LRRC19: variants seen among roughly 807,000 people sequenced by gnomAD.
LRRC19 encodes leucine-rich repeat-containing protein 19.
A neutral mutation model predicts 33.3 loss-of-function variants in LRRC19; 33 were observed. The observed-to-expected ratio is 0.99, with a 90% confidence interval of 0.75 to 1.33. The LOEUF is 1.33. Ranked by LOEUF, LRRC19 falls within the 40% of genes most tolerant of loss-of-function variation. The probability of loss-of-function intolerance (pLI) is 0.00; values close to 1 mark genes in which losing one functional copy is unlikely to be tolerated. For synonymous variants in LRRC19, 184 were observed against 152.3 expected (o/e 1.21, Z -1.53); for missense variants, 463 against 417.3 (o/e 1.11, Z -0.95).
At position 26,995,349 on chromosome 9, in the gene LRRC19, T is replaced by G. The variant is rs1828087088; in HGVS notation, c.*172A>C. 3.7e-6 allele frequency: 2 copies of G among 537,778 alleles called. No individual in the cohort carries two copies. Among genetic ancestry groups the G allele is most frequent in the Non-Finnish European group, 6.6e-6 (2 of 300,818 alleles). The allele number at this position is 537,778 out of a possible 1,614,324, so 33.3% of individuals were successfully genotyped here. ...TACCGAGGAGTGTCAGTTACTGTATTTGAACCTGCTTGCTCAATATAATGC... is the reference window on the plus strand; with the variant it reads ...TACCGAGGAGTGTCAGTTACTGTATGTGAACCTGCTTGCTCAATATAATGC... On this transcript the variant is annotated 3_prime_UTR_variant, in exon 5 of 5. Transcript: ENST00000380055.
Position 26,999,644 on chromosome 9 carries a change from T to A in LRRC19, c.51A>T (p.Leu17Phe). 1 of 1,609,442 alleles carries A rather than the reference T, an allele frequency of 6.2e-7. No individual in the cohort carries two copies. The highest frequency in any genetic ancestry group is 8.5e-7 in the Non-Finnish European group (1 of 1,177,990). The change falls in exon 2 of 5, where the codon TTA becomes TTT. Residue 17 changes from leucine to phenylalanine, a missense_variant. Transcript: ENST00000380055. ...TILFWPLSMI[L>F]LSDKIQSSKR... ...TAGAAGACTGGATTTTGTCTGATAA[T>A]AATATCATGGAGAGGGGCCAAAAGA...
Position 26,995,463 on chromosome 9 carries a change from C to T in LRRC19, c.*58G>A. Reference sequence around the variant, plus strand: ...TTTGTTATGTCACATAGCAAAATCTCCATATCTAAACTGAGTGAGCTGATA... The same window carrying T: ...TTTGTTATGTCACATAGCAAAATCTTCATATCTAAACTGAGTGAGCTGATA... On this transcript the variant is annotated 3_prime_UTR_variant, in exon 5 of 5. Coordinates refer to ENST00000380055, the MANE Select transcript of LRRC19 (RefSeq NM_022901.3). 1.0e-6 allele frequency: 1 copy of T among 987,790 alleles called. No homozygotes were observed. Among genetic ancestry groups the T allele is most frequent in the Non-Finnish European group, 1.5e-6 (1 of 678,290 alleles). 61.2% of individuals were successfully genotyped at this position (987,790 alleles called of 1,614,324 possible).
intron 3 of LRRC19, among the ~76,000 whole-genome samples, chr9:26,997,225 A>T (rs1022518811): frequency 1.3e-5 from 2 of 151,806 alleles, no homozygotes; most frequent in East Asian, 2.0e-4. Context: ...AAAAAAAAAA[A>T]ATTTCTTAAT....
chr9:26,999,770 C>CTTTTTT (rs1179000269), intron 1 of LRRC19, 67 bp from the exon 2 acceptor site: 49 of 340,158 alleles, frequency 1.4e-4, no homozygotes, highest in African/African-American at 4.8e-4. Context: ...TCTGTTTATT[C>CTTTTTT]TTTTTTTTTT....
At chr9:26,999,768 T>TTC in intron 1 of LRRC19, 65 bp from the exon 2 acceptor site, 1 of 988,400 alleles carries the variant, frequency 1.0e-6, no homozygotes, top group Admixed American at 3.0e-5. Flanking sequence ...AATCTGTTTA[T>TTC]TCTTTTTTTT....
Position 26,998,233 on chromosome 9 carries a change from T to A in LRRC19, c.90A>T (p.Gln30His). The A allele has an allele frequency of 6.9e-7, 1 of 1,451,804 alleles. No individual in the cohort carries two copies. The highest frequency in any genetic ancestry group is 9.2e-7 in the Non-Finnish European group (1 of 1,085,456). The allele number at this position is 1,451,804 out of a possible 1,614,324, so 89.9% of individuals were successfully genotyped here. Reference protein sequence around the residue: ...DKIQSSKREVQCNFTEKNYTL... With the variant: ...DKIQSSKREVHCNFTEKNYTL... ...TATAATTTTTTTCAGTAAAATTACATTGGACTTCCTAGAAAAACAAAAAAA... is the reference window on the plus strand; with the variant it reads ...TATAATTTTTTTCAGTAAAATTACAATGGACTTCCTAGAAAAACAAAAAAA... The change falls in exon 3 of 5, where the codon CAA becomes CAT. Residue 30 changes from glutamine (Q) to histidine (H), a missense_variant. By Grantham distance (24) the Gln-to-His change is conservative (BLOSUM62 0). Coordinates refer to ENST00000380055, the MANE Select transcript of LRRC19 (RefSeq NM_022901.3).
intron 2 of LRRC19, among the ~76,000 whole-genome samples, chr9:26,998,634 T>A (rs780466341): frequency 3.9e-5 from 6 of 152,190 alleles, no homozygotes; most frequent in Non-Finnish European, 8.8e-5. Context: ...TATTTTAAAC[T>A]ATATGTGTTT....
chr9:26,996,534 GA>G, intron 3 of LRRC19, 35 bp from the exon 4 acceptor site: 1 of 1,288,288 alleles, frequency 7.8e-7, no homozygotes, highest in South Asian at 2.7e-5. Flanking sequence ...TTAGTATAGA[GA>G]AAAATAATAG....
intron 2 of LRRC19, among the ~76,000 whole-genome samples, chr9:26,998,757 G>A (rs1386830496): frequency 5.3e-5 from 8 of 152,038 alleles, no homozygotes; most frequent in African/African-American, 1.9e-4. Context: ...GCTGAGGCAG[G>A]CGGGTTACCT....
chr9:26,999,013 A>G (rs62542667), intron 2 of LRRC19, among the ~76,000 whole-genome samples: 1 of 152,060 alleles, frequency 6.6e-6, no homozygotes, highest in Non-Finnish European at 1.5e-5. Flanking sequence ...CAATCAATCA[A>G]TCAGTCTGAA....
At chr9:26,999,498 C>G in intron 2 of LRRC19, 116 bp downstream of exon 2, 1 of 727,568 alleles carries the variant, frequency 1.4e-6, no homozygotes, top group Non-Finnish European at 2.2e-6. Flanking sequence ...TAAATAAACT[C>G]TTAATTTTAG....
chr9:27,000,814 A>T (rs556929350), intron 1 of LRRC19, among the ~76,000 whole-genome samples: 2 of 152,324 alleles, frequency 1.3e-5, no homozygotes, highest in African/African-American at 4.8e-5. Context: ...TAACCTGCAC[A>T]TGTACCCCGG....
At chr9:27,003,740 C>G (rs1338738189) in intron 1 of LRRC19, among the ~76,000 whole-genome samples, 1 of 152,186 alleles carries the variant, frequency 6.6e-6, no homozygotes, top group Non-Finnish European at 1.5e-5. Flanking sequence ...AAAAGCTACT[C>G]TGCCTCCTAT....
At chr9:27,003,890 A>T (rs558380812) in intron 1 of LRRC19, among the ~76,000 whole-genome samples, 62 of 152,288 alleles carry the variant, frequency 4.1e-4, no homozygotes, top group African/African-American at 1.3e-3. Context: ...ACCTATGTTT[A>T]ATGATTTATA....
chr9:26,996,286 T>G (rs1272525347), intron 4 of LRRC19, 25 bp downstream of exon 4: 1 of 1,353,192 alleles, frequency 7.4e-7, no homozygotes, highest in African/African-American at 1.4e-5. Context: ...TTCAGCAGTG[T>G]TAATATATAG....
chr9:26,994,887 C>T lies in LRRC19; in HGVS notation c.*634G>A, dbSNP rs1828063592. On this transcript the variant is annotated 3_prime_UTR_variant, in exon 5 of 5. Transcript: ENST00000380055. The stretch of plus-strand genomic sequence containing the variant: ...ATGACATTAAACTGTAGTGATCCTG[C>T]ATTATGGTGACAGCCTTTCTTTATA... 1 of 152,484 alleles carries T rather than the reference C, an allele frequency of 6.6e-6. No individual in the cohort carries two copies. Among genetic ancestry groups the T allele is most frequent in the African/African-American group, 2.4e-5 (1 of 41,426 alleles). 9.4% of individuals were successfully genotyped at this position (152,484 alleles called of 1,614,324 possible).
chr9:27,001,111 T>C (rs1237125531), intron 1 of LRRC19, among the ~76,000 whole-genome samples: 1 of 152,126 alleles, frequency 6.6e-6, no homozygotes, highest in Non-Finnish European at 1.5e-5. Flanking sequence ...CCGGTTCCGT[T>C]TTTGTTGCCG....
chr9:26,996,252 C>T, intron 4 of LRRC19, 59 bp downstream of exon 4: 1 of 951,232 alleles, frequency 1.1e-6, no homozygotes, highest in Non-Finnish European at 1.5e-6. Flanking sequence ...AAGATAACTA[C>T]CTCAGTTTAT....
At chr9:26,996,159 C>A in intron 4 of LRRC19, 152 bp downstream of exon 4, 1 of 566,384 alleles carries the variant, frequency 1.8e-6, no homozygotes, top group Non-Finnish European at 2.8e-6. Flanking sequence ...CTAGCAGAGC[C>A]TAGTTTGGAA....
Sources: allele counts gnomAD v4.1 joint callset (sites outside exome capture counted in the v4.1 genomes callset), GRCh38; gene constraint gnomAD v4.1.1; transcripts MANE v1.5; gene names NCBI Gene and HGNC (gene_info 2026-07-23, HGNC 2026-07-21).